NRG1: variants seen among roughly 807,000 people sequenced by gnomAD.
NRG1 encodes the protein pro-neuregulin-1, membrane-bound isoform.
NRG1 carries 18 observed loss-of-function variants against 63.8 expected under a neutral mutation model. The ratio of observed to expected loss-of-function variants is 0.28; its 90% CI spans 0.19 to 0.42. The LOEUF (loss-of-function observed/expected upper bound fraction) is 0.42. Among genes scored for constraint, NRG1 ranks in the 10% least tolerant of loss-of-function variants. NRG1 has a pLI of 1.00. For synonymous variants in NRG1, 302 were observed against 301.3 expected, an observed-to-expected ratio of 1.00 and a Z score of -0.02; for missense variants, 762 against 814.7, an observed-to-expected ratio of 0.94 and a Z score of 0.79.
intron 1 of NRG1, among the ~76,000 whole-genome samples, chr8:32,147,883 CTT>C (rs1837060353): frequency 6.6e-6 from 1 of 152,130 alleles, no homozygotes; most frequent in South Asian, 2.1e-4. Flanking sequence ...TTGAATTTCT[CTT>C]GTTGTTTGAA....
chr8:32,406,322 A>C (rs1387765627), intron 1 of NRG1, among the ~76,000 whole-genome samples: 1 of 152,210 alleles, frequency 6.6e-6, no homozygotes, highest in Non-Finnish European at 1.5e-5. Context: ...AAAAGATTAA[A>C]TATATCTATG....
At chr8:31,878,212 TTTTC>T (rs1442649177) in intron 1 of NRG1, among the ~76,000 whole-genome samples, 1 of 152,214 alleles carries the variant, frequency 6.6e-6, no homozygotes, top group African/African-American at 2.4e-5. Context: ...AATATAGTTT[TTTTC>T]TATTGCTATA....
chr8:32,353,257 A>T (rs1157350403), intron 1 of NRG1, among the ~76,000 whole-genome samples: 1 of 150,648 alleles, frequency 6.6e-6, no homozygotes, highest in South Asian at 2.1e-4. Context: ...TTATGATACA[A>T]TTATATTAAT....
At chr8:32,698,841 A>G (rs920570116) in intron 5 of NRG1, among the ~76,000 whole-genome samples, 2 of 152,200 alleles carry the variant, frequency 1.3e-5, no homozygotes, top group African/African-American at 2.4e-5. Flanking sequence ...TTCACTTTTC[A>G]TATAATATTA....
chr8:32,389,012 C>T (rs146987380), intron 1 of NRG1, among the ~76,000 whole-genome samples: 40 of 152,244 alleles, frequency 2.6e-4, no homozygotes, highest in Non-Finnish European at 4.3e-4. Context: ...CCTTCTTGAA[C>T]GATGTTCCTT....
At chr8:32,064,642 G>C (rs984714442) in intron 1 of NRG1, among the ~76,000 whole-genome samples, 1 of 152,118 alleles carries the variant, frequency 6.6e-6, no homozygotes, top group African/African-American at 2.4e-5. Flanking sequence ...TATTGTGAAG[G>C]AAAAGTATTT....
chr8:32,261,554 T>C (rs2129471599), intron 1 of NRG1, among the ~76,000 whole-genome samples: 1 of 152,250 alleles, frequency 6.6e-6, no homozygotes, highest in South Asian at 2.1e-4. Context: ...TTGAGTTCTG[T>C]CTGCACATCA....
chr8:32,689,653 T>C (rs934293458), intron 5 of NRG1, among the ~76,000 whole-genome samples: 1 of 152,194 alleles, frequency 6.6e-6, no homozygotes, highest in African/African-American at 2.4e-5. Flanking sequence ...CACATATGTA[T>C]ATGTAACAAT....
At chr8:31,737,176 G>A (rs1814763267) in intron 1 of NRG1, among the ~76,000 whole-genome samples, 1 of 152,038 alleles carries the variant, frequency 6.6e-6, no homozygotes, top group Non-Finnish European at 1.5e-5. Context: ...AGTGGTGTGA[G>A]ATAAAGAATT....
intron 1 of NRG1, among the ~76,000 whole-genome samples, chr8:32,053,242 T>C (rs956203): frequency 0.31 from 47,807 of 151,966 alleles, 8,700 homozygotes; most frequent in East Asian, 0.66. Flanking sequence ...AAAAGGTGTG[T>C]GAGGGCTGTG....
At chr8:32,259,593 A>T (rs1850133909) in intron 1 of NRG1, among the ~76,000 whole-genome samples, 1 of 152,304 alleles carries the variant, frequency 6.6e-6, no homozygotes, top group East Asian at 1.9e-4. Context: ...CAGACAAGAC[A>T]TAAAGGAAGA....
At chr8:31,930,211 A>G (rs956436118) in intron 1 of NRG1, among the ~76,000 whole-genome samples, 6 of 152,238 alleles carry the variant, frequency 3.9e-5, no homozygotes, top group African/African-American at 1.4e-4. Flanking sequence ...TGTAAGAAGT[A>G]GCTTGAGTTA....
chr8:31,903,440 C>T (rs1444983913), intron 1 of NRG1, among the ~76,000 whole-genome samples: 24 of 151,816 alleles, frequency 1.6e-4, no homozygotes, highest in East Asian at 1.2e-3. Context: ...TGAGCCACCG[C>T]GCCCGGCCGA....
At chr8:32,668,083 G>A (rs1015541655) in intron 5 of NRG1, among the ~76,000 whole-genome samples, 16 of 152,022 alleles carry the variant, frequency 1.1e-4, no homozygotes, top group African/African-American at 3.9e-4. Context: ...TGTAATGGTG[G>A]GTGCCTGTAG....
intron 1 of NRG1, among the ~76,000 whole-genome samples, chr8:32,156,623 G>C (rs1838102517): frequency 1.3e-5 from 2 of 152,206 alleles, no homozygotes; most frequent in African/African-American, 4.8e-5. Context: ...TCATATATGT[G>C]GTTGGAACCA....
Position 32,748,388 on chromosome 8 carries a change from G to GAGAGAGAGAGAGAGAGAGAGATAA in NRG1, c.691+5664_691+5665insGAGAGAGAGAGATAAAGAGAGAGA, listed in dbSNP as rs1217567935. Among the ~76,000 whole-genome samples, 11 of 151,592 alleles carry GAGAGAGAGAGAGAGAGAGAGATAA rather than the reference G, an allele frequency of 7.3e-5. 1 individual carries two copies. On this transcript the variant is annotated intron_variant, in intron 7 of 11. Transcript: ENST00000356819. Reference sequence around the variant, plus strand: ...AGAGAGAGAGAGAGAGAGAGAGAGAGAGAGAGAGATAAAGGAAGTCCTAGA... The same window carrying GAGAGAGAGAGAGAGAGAGAGATAA: ...AGAGAGAGAGAGAGAGAGAGAGAGAGAGAGAGAGAGAGAGAGAGAGATAAAGAGAGAGATAAAGGAAGTCCTAGA...
intron 1 of NRG1, among the ~76,000 whole-genome samples, chr8:31,685,801 C>G (rs1200562710): frequency 2.6e-5 from 4 of 152,084 alleles, no homozygotes; most frequent in African/African-American, 7.2e-5. Context: ...AGCATGTTTT[C>G]AAGATTCATC....
intron 1 of NRG1, among the ~76,000 whole-genome samples, chr8:31,676,742 G>T (rs62506880): frequency 0.2 from 30,355 of 152,190 alleles, 4,075 homozygotes; most frequent in East Asian, 0.59. Context: ...CTGCCATTTG[G>T]CAGCTACCAC....
chr8:32,603,509 ACT>A (rs1844727919), intron 2 of NRG1, among the ~76,000 whole-genome samples: 1 of 151,800 alleles, frequency 6.6e-6, no homozygotes, highest in South Asian at 2.1e-4. Flanking sequence ...ACCAAGTCTC[ACT>A]CTGTCACCCA....
Sources: allele counts gnomAD v4.1 joint callset (sites outside exome capture counted in the v4.1 genomes callset), GRCh38; gene constraint gnomAD v4.1.1; transcripts MANE v1.5; gene names NCBI Gene and HGNC (gene_info 2026-07-23, HGNC 2026-07-21).